The following GRID2 variants were observed in gnomAD, a reference collection of about 807,000 sequenced individuals.
GRID2 encodes the protein glutamate receptor ionotropic, delta-2.
GRID2 carries 33 observed loss-of-function variants against 114.8 expected under a neutral mutation model. The observed-to-expected ratio is 0.29, with a 90% CI of 0.22 to 0.38. GRID2 has a LOEUF of 0.38. GRID2 is among the 10% of genes least tolerant of loss of function. The probability of loss-of-function intolerance (pLI) is 1.00; values close to 1 mark genes in which losing one functional copy is unlikely to be tolerated. For synonymous variants in GRID2, 505 were observed against 449.9 expected (o/e 1.12, Z -1.55); for missense variants, 1,184 against 1,257.7 (o/e 0.94, Z 0.89).
chr4:93,173,281 C>T (rs1463125713), intron 4 of GRID2, among the ~76,000 whole-genome samples: 1 of 151,944 alleles, frequency 6.6e-6, no homozygotes, highest in Non-Finnish European at 1.5e-5. Flanking sequence ...TCTTTTTTCC[C>T]ATTTTTAAGC....
chr4:93,534,342 A>G (rs2149518286), intron 13 of GRID2, among the ~76,000 whole-genome samples: 1 of 152,260 alleles, frequency 6.6e-6, no homozygotes. Flanking sequence ...TTTGATATAC[A>G]TATACTCAGT....
At chr4:92,521,180 A>G (rs1724757542) in intron 1 of GRID2, among the ~76,000 whole-genome samples, 1 of 151,920 alleles carries the variant, frequency 6.6e-6, no homozygotes, top group African/African-American at 2.4e-5. Context: ...TCAGCATATC[A>G]TTTGCAAAGA....
intron 2 of GRID2, among the ~76,000 whole-genome samples, chr4:92,671,035 C>A (rs532563498): frequency 6.6e-6 from 1 of 152,148 alleles, no homozygotes. Context: ...TCTCACATTG[C>A]TATAAAGAAC....
intron 14 of GRID2, among the ~76,000 whole-genome samples, chr4:93,665,233 T>C (rs1391312358): frequency 6.6e-6 from 1 of 152,160 alleles, no homozygotes; most frequent in Admixed American, 6.5e-5. Flanking sequence ...TTGGTAGAGA[T>C]TTCTGTACAA....
At chr4:93,587,855 G>T (rs1431975242) in intron 13 of GRID2, among the ~76,000 whole-genome samples, 1 of 152,048 alleles carries the variant, frequency 6.6e-6, no homozygotes, top group African/African-American at 2.4e-5. Flanking sequence ...TTGAAGTAAG[G>T]TTGATGTGGA....
At chr4:93,616,445 G>T (rs191248558) in intron 13 of GRID2, among the ~76,000 whole-genome samples, 1 of 151,208 alleles carries the variant, frequency 6.6e-6, no homozygotes, top group Admixed American at 6.6e-5. Context: ...TACTCAGGAG[G>T]TTGAGGCAGG....
chr4:92,659,052 C>T (rs1256429020), intron 2 of GRID2, among the ~76,000 whole-genome samples: 1 of 133,576 alleles, frequency 7.5e-6, no homozygotes, highest in East Asian at 2.7e-4. Flanking sequence ...TTTCTGTGCC[C>T]CAATAGATTA....
At chr4:92,578,094 TC>T in intron 1 of GRID2, among the ~76,000 whole-genome samples, 1 of 108,356 alleles carries the variant, frequency 9.2e-6, no homozygotes, top group Admixed American at 8.8e-5. Flanking sequence ...TTCTTCTTCT[TC>T]TTCTTCTTCT....
At chr4:93,323,721 A>C (rs890414234) in intron 8 of GRID2, among the ~76,000 whole-genome samples, 6 of 151,818 alleles carry the variant, frequency 4.0e-5, no homozygotes, top group South Asian at 2.1e-4. Context: ...CTTTCATTTC[A>C]TTGAGCAGTG....
In GRID2 at chr4:92,548,809, G is replaced by A. The variant is rs1003100241; in HGVS notation, c.89-41322G>A. Among the ~76,000 whole-genome samples the A allele has an allele frequency of 3.3e-5, 5 of 152,034 alleles. No individual in the cohort carries two copies. The South Asian group carries it at 6.2e-4, about 19-fold the overall frequency. ...GGGACACCTTAGGAAACTTTCATTC[G>A]TGGTGGAAGGTGAATGGGAAGCCCG... On this transcript the variant is annotated intron_variant, in intron 1 of 15. Transcript: ENST00000282020.
chr4:93,623,296 T>A (rs991529656), intron 13 of GRID2, among the ~76,000 whole-genome samples: 13 of 149,686 alleles, frequency 8.7e-5, no homozygotes, highest in African/African-American at 3.0e-4. Context: ...CCTAATGCTA[T>A]CTCTCCCCTA....
At position 93,604,099 on chromosome 4, in the gene GRID2, T is replaced by C. The variant is rs1227808284; in HGVS notation, c.2194-22170T>C. 1.3e-5 allele frequency among the ~76,000 whole-genome samples: 2 copies of C among 152,212 alleles called. 1 individual carries two copies. Among genetic ancestry groups the C allele is most frequent in the Non-Finnish European group, 2.9e-5 (2 of 68,026 alleles). On this transcript the variant is annotated intron_variant, in intron 13 of 15. Transcript: ENST00000282020. Reference sequence around the variant, plus strand: ...AAGGCCATAGCTGCCATGTAAGTGATTTTTATGATGAATTTGGACAAAGTA... The same window carrying C: ...AAGGCCATAGCTGCCATGTAAGTGACTTTTATGATGAATTTGGACAAAGTA...
chr4:93,208,319 A>G (rs1292215492), intron 5 of GRID2, among the ~76,000 whole-genome samples: 1 of 152,014 alleles, frequency 6.6e-6, no homozygotes, highest in African/African-American at 2.4e-5. Flanking sequence ...TAGCTGTCTT[A>G]ACATGGATAT....
At chr4:92,485,736 AAT>A in intron 1 of GRID2, among the ~76,000 whole-genome samples, 1 of 151,870 alleles carries the variant, frequency 6.6e-6, no homozygotes, top group Non-Finnish European at 1.5e-5. Context: ...AATTTGCAAA[AAT>A]ATCTGTAATA....
chr4:93,706,521 A>G (rs573080601), intron 14 of GRID2, among the ~76,000 whole-genome samples: 88 of 152,182 alleles, frequency 5.8e-4, no homozygotes, highest in Middle Eastern at 6.8e-3. Context: ...CAGATTGTTC[A>G]CTGTTGGCAT....
At chr4:92,459,837 T>TG (rs1721391925) in intron 1 of GRID2, among the ~76,000 whole-genome samples, 1 of 150,810 alleles carries the variant, frequency 6.6e-6, no homozygotes, top group Admixed American at 6.6e-5. Context: ...ATAGTATGGG[T>TG]GAGTCTCATC....
exon 2 of GRID2, chr4:93,809,409 C>T (rs1301932945): frequency 6.6e-6 from 1 of 152,130 alleles, no homozygotes; most frequent in Non-Finnish European, 1.5e-5. Context: ...GGTCTTTCAA[C>T]TTAGAATACA....
chr4:93,077,528 G>T (rs1729445093), intron 2 of GRID2, among the ~76,000 whole-genome samples: 5 of 152,044 alleles, frequency 3.3e-5, no homozygotes, highest in Admixed American at 3.3e-4. Flanking sequence ...TTAATAAATA[G>T]AATTTCTATA....
At chr4:93,291,854 A>G (rs1753793065) in intron 8 of GRID2, among the ~76,000 whole-genome samples, 1 of 152,148 alleles carries the variant, frequency 6.6e-6, no homozygotes, top group Non-Finnish European at 1.5e-5. Flanking sequence ...TATATATGTC[A>G]TGGAATGGCT....
Sources: gnomAD v4.1 joint callset for allele counts (sites outside exome capture counted in the v4.1 genomes callset) on GRCh38, gnomAD v4.1.1 for gene constraint, MANE v1.5 for transcripts, NCBI Gene and HGNC (gene_info 2026-07-23, HGNC 2026-07-21) for gene names.